Variants in SOBP observed in about 807,000 individuals in gnomAD.
SOBP encodes sine oculis-binding protein homolog.
SOBP carries 4 observed loss-of-function variants against 53.6 expected under a neutral mutation model. That is an observed-to-expected ratio of 0.07 (90% CI 0.04 to 0.17). The LOEUF is 0.17. SOBP is among the 10% of genes least tolerant of loss of function. The pLI is 1.00. For missense variants in SOBP, 1,088 were observed against 1,204.7 expected (o/e 0.90, Z 1.43); for synonymous variants, 584 against 522.6 (o/e 1.12, Z -1.60).
chr6:107,597,377 A>G (rs1785984276), intron 5 of SOBP, among the ~76,000 whole-genome samples: 3 of 152,200 alleles, frequency 2.0e-5, no homozygotes, highest in Non-Finnish European at 2.9e-5. Flanking sequence ...TAGTAAGTAT[A>G]TAATTATGAA....
intron 4 of SOBP, among the ~76,000 whole-genome samples, chr6:107,554,742 G>T (rs1784558871): frequency 6.6e-6 from 1 of 152,096 alleles, no homozygotes; most frequent in African/African-American, 2.4e-5. Flanking sequence ...TCCCACTTCT[G>T]TTCTGGAAAA....
In SOBP at chr6:107,634,151, C is replaced by T; in HGVS notation, c.1307C>T (p.Pro436Leu). 6.2e-7 allele frequency: 1 copy of T among 1,611,796 alleles called. No homozygotes were observed. Among genetic ancestry groups the T allele is most frequent in the South Asian group, 1.1e-5 (1 of 90,918 alleles). Residue 436 changes from proline to leucine, a missense_variant, in exon 6 of 7, where the codon CCC becomes CTC. Around this residue, in one of 6 missense-constraint regions of SOBP, gnomAD observed 211 missense variants for 258.9 expected, o/e 0.82. Coordinates refer to ENST00000317357, the MANE Select transcript of SOBP (RefSeq NM_018013.4). This position sits in a 1 kb window ranked among gnomAD's most constrained non-coding sequence, Gnocchi z 4.5. ...AACCCCATGCTTCCCGGCATCGGGC[C>T]CCCGCCCGGTGGCCCCAGAAACCTG... ...LSNPMLPGIG[P>L]PPGGPRNLGP... is the part of the protein sequence containing the mutation.
intron 4 of SOBP, among the ~76,000 whole-genome samples, chr6:107,546,746 C>A (rs965372830): frequency 5.3e-5 from 8 of 152,236 alleles, no homozygotes; most frequent in Admixed American, 4.6e-4. Flanking sequence ...GTATTTATGT[C>A]TTGAGTTAGC....
intron 6 of SOBP, among the ~76,000 whole-genome samples, chr6:107,653,593 G>A (rs1414096441): frequency 6.6e-6 from 1 of 152,172 alleles, no homozygotes; most frequent in East Asian, 1.9e-4. Context: ...TGACAGACAT[G>A]GGGAGCTTGC....
At chr6:107,607,474 A>G (rs1382121988) in intron 5 of SOBP, among the ~76,000 whole-genome samples, 1 of 152,240 alleles carries the variant, frequency 6.6e-6, no homozygotes, top group Admixed American at 6.5e-5. Context: ...TGTTGCAGAA[A>G]AAAATTAAGT....
At chr6:107,599,011 A>T (rs1024441136) in intron 5 of SOBP, among the ~76,000 whole-genome samples, 3 of 152,232 alleles carry the variant, frequency 2.0e-5, no homozygotes, top group Non-Finnish European at 4.4e-5. Context: ...GATTTAAACT[A>T]CACAAATGCA....
intron 1 of SOBP, among the ~76,000 whole-genome samples, chr6:107,497,982 CT>C (rs1368043222): frequency 6.6e-6 from 1 of 152,156 alleles, no homozygotes; most frequent in Non-Finnish European, 1.5e-5. Flanking sequence ...AGGGTGCTTA[CT>C]AATACTACAT....
At chr6:107,626,307 T>C (rs1021163977) in intron 5 of SOBP, among the ~76,000 whole-genome samples, 17 of 152,328 alleles carry the variant, frequency 1.1e-4, no homozygotes, top group African/African-American at 3.6e-4. Context: ...TTTCCACTTA[T>C]TGCTAATAGA....
At chr6:107,621,108 ATAT>A in intron 5 of SOBP, 2 of 832,388 alleles carry the variant, frequency 2.4e-6, no homozygotes, top group Non-Finnish European at 2.9e-6. Context: ...CTGGTGAGTG[ATAT>A]TATGATAGTA....
At chr6:107,566,001 C>T (rs911027260) in intron 4 of SOBP, among the ~76,000 whole-genome samples, 1 of 152,210 alleles carries the variant, frequency 6.6e-6, no homozygotes, top group Non-Finnish European at 1.5e-5. Context: ...AAATTTGTCC[C>T]TTGCTAAGGG....
Position 107,658,372 on chromosome 6 carries a change from G to C in SOBP, c.*169G>C, listed in dbSNP as rs774737865. The C allele has an allele frequency of 1.3e-5, 2 of 152,610 alleles. No individual in the cohort carries two copies. The highest frequency in any genetic ancestry group is 2.4e-5 in the African/African-American group (1 of 41,404). The allele number at this position is 152,610 out of a possible 1,614,324, so 9.5% of individuals were successfully genotyped here. A position where few individuals can be genotyped will look rare whatever the true frequency, so the allele number is the denominator to read the frequency against. ...ATCTCAGAGGAAGCAGCCCTCCCTCGATGGCCTCTAGCCCAGAGAAGCCCG... is the reference window on the plus strand; with the variant it reads ...ATCTCAGAGGAAGCAGCCCTCCCTCCATGGCCTCTAGCCCAGAGAAGCCCG... On this transcript the variant is annotated 3_prime_UTR_variant, in exon 7 of 7. Transcript: ENST00000317357.
intron 3 of SOBP, among the ~76,000 whole-genome samples, chr6:107,510,032 A>C (rs550583281): frequency 6.3e-4 from 96 of 152,344 alleles, no homozygotes; most frequent in Non-Finnish European, 1.1e-3. Flanking sequence ...CTTACAGGGA[A>C]GTTGAATTTT....
At chr6:107,520,679 T>C (rs1424401796) in intron 3 of SOBP, among the ~76,000 whole-genome samples, 1 of 152,184 alleles carries the variant, frequency 6.6e-6, no homozygotes, top group African/African-American at 2.4e-5. Context: ...TGTTAGAGGG[T>C]GGCCGTGTTT....
chr6:107,582,841 G>A (rs947713473), intron 4 of SOBP, among the ~76,000 whole-genome samples: 8 of 152,178 alleles, frequency 5.3e-5, no homozygotes, highest in Non-Finnish European at 7.3e-5. Context: ...ATCTAGAGCC[G>A]ACAGTGGGGT....
Position 107,633,976 on chromosome 6 carries a change from G to T in SOBP, c.1132G>T (p.Val378Phe), listed in dbSNP as rs763014112. ...TGCTAGCATCGGGCCTCCCCTTGGC[G>T]TCCCGCCTCGGAGCCCTCCCATGGT... Reference protein sequence around the residue: ...PPASIGPPLGVPPRSPPMVMT... With the variant: ...PPASIGPPLGFPPRSPPMVMT... The change falls in exon 6 of 7, where the codon GTC (valine) becomes TTC (phenylalanine). Residue 378 changes from valine to phenylalanine, a missense_variant. Physicochemically the swap from Val to Phe is conservative, Grantham distance 50. Transcript: ENST00000317357. 2 of 1,614,026 alleles carry T rather than the reference G, an allele frequency of 1.2e-6. No homozygotes were observed. The highest frequency in any genetic ancestry group is 3.3e-5 in the Admixed American group (2 of 60,030).
intron 4 of SOBP, among the ~76,000 whole-genome samples, chr6:107,584,045 T>C (rs1203409606): frequency 6.6e-6 from 1 of 152,154 alleles, no homozygotes; most frequent in African/African-American, 2.4e-5. Flanking sequence ...AATGGTTCAC[T>C]CCAGTGGGCC....
chr6:107,636,463 A>C (rs1771047897), intron 6 of SOBP: 1 of 152,278 alleles, frequency 6.6e-6, no homozygotes, highest in Non-Finnish European at 1.5e-5. Context: ...CCAAGGAGGC[A>C]GATGAAGCTT....
intron 4 of SOBP, among the ~76,000 whole-genome samples, chr6:107,553,924 C>T (rs541776323): frequency 3.9e-5 from 6 of 152,270 alleles, no homozygotes; most frequent in African/African-American, 1.4e-4. Flanking sequence ...ATGTAACATG[C>T]ATTAGACATG....
intron 4 of SOBP, among the ~76,000 whole-genome samples, chr6:107,558,658 C>A (rs553817300): frequency 6.6e-6 from 1 of 151,290 alleles, no homozygotes; most frequent in East Asian, 1.9e-4. Context: ...AGGGAGGGTA[C>A]AGGTAAATTA....
Sources: allele counts gnomAD v4.1 joint callset (sites outside exome capture counted in the v4.1 genomes callset), GRCh38; gene constraint gnomAD v4.1.1; regional missense constraint gnomAD v4.1.1; non-coding constraint Gnocchi (gnomAD v3.1); transcripts MANE v1.5; gene names NCBI Gene and HGNC (gene_info 2026-07-23, HGNC 2026-07-21).